Variants in LHX8 observed in about 807,000 individuals in gnomAD.
The protein encoded by LHX8 is LIM/homeobox protein Lhx8.
LHX8 carries 12 observed loss-of-function variants against 40.3 expected under a neutral mutation model. The ratio of observed to expected loss-of-function variants is 0.30; its 90% CI spans 0.19 to 0.48. The LOEUF (loss-of-function observed/expected upper bound fraction) is 0.48, where lower values mean the gene tolerates loss of function less well. LHX8 is among the 20% of genes least tolerant of loss of function. LHX8 has a pLI of 0.99. For synonymous variants in LHX8, 179 were observed against 162.0 expected (o/e 1.10, Z -0.80); for missense variants, 344 against 433.7 (o/e 0.79, Z 1.84).
the LHX8 span, among the ~76,000 whole-genome samples, chr1:75,179,808 G>T: frequency 6.6e-6 from 1 of 152,178 alleles, no homozygotes; most frequent in African/African-American, 2.4e-5. Context: ...AATTTGGCCT[G>T]TTTTTGCAGT....
Position 75,137,274 on chromosome 1 carries a change from C to T in LHX8, c.237+13C>T. ...ATACCTTCTCAAGGTAGGATAGGGC[C>T]TCGGGTGCGAGGCCCAAGGGGAGCG... On this transcript the variant is annotated intron_variant, in intron 3 of 8. Transcript: ENST00000356261. 1 of 1,613,032 alleles carries T rather than the reference C, an allele frequency of 6.2e-7. No homozygotes were observed. Among genetic ancestry groups the T allele is most frequent in the Non-Finnish European group, 8.5e-7 (1 of 1,179,680 alleles).
chr1:75,136,727 C>G, intron 2 of LHX8, 38 bp downstream of exon 2: 1 of 1,454,690 alleles, frequency 6.9e-7, no homozygotes, highest in Non-Finnish European at 9.2e-7. Context: ...CAAGACTGGC[C>G]GTGGGGAGGC....
upstream of LHX8, among the ~76,000 whole-genome samples, chr1:75,133,810 C>T (rs143187420): frequency 2.0e-3 from 305 of 152,306 alleles, no homozygotes; most frequent in African/African-American, 6.9e-3. Flanking sequence ...TAGCAACATA[C>T]TTTTGTCTTT....
chr1:75,136,747 C>A, intron 2 of LHX8, 58 bp downstream of exon 2: 1 of 1,373,266 alleles, frequency 7.3e-7, no homozygotes, highest in Non-Finnish European at 1.0e-6. Context: ...CGGCGCAGGA[C>A]GAAGGGCCGC....
the LHX8 span, among the ~76,000 whole-genome samples, chr1:75,174,748 G>A: frequency 1.3e-5 from 2 of 152,112 alleles, no homozygotes; most frequent in African/African-American, 4.8e-5. Flanking sequence ...GTGCTACAGT[G>A]CATGGTAGCA....
upstream of LHX8, among the ~76,000 whole-genome samples, chr1:75,129,432 G>C (rs1305361970): frequency 6.6e-6 from 1 of 152,192 alleles, no homozygotes; most frequent in Admixed American, 6.5e-5. Flanking sequence ...CAAGATTCTT[G>C]GGCCAACTTT....
rs762726807 is a variant in LHX8, at chr1:75,156,928, A to G, written c.816A>G (p.Lys272=). The change falls in exon 8 of 9, where the codon AAA becomes AAG. Residue 272 remains lysine (K), a synonymous_variant. Transcript: ENST00000356261. ...WFQNCRARHK[K]HVSPNHSSST... ...AGAATTGTAGAGCACGCCACAAGAA[A>G]CACGTCAGTCCTAATCACTCATCCT... The G allele has an allele frequency of 3.1e-6, 5 of 1,614,130 alleles. No individual in the cohort carries two copies. The South Asian group carries it at 3.3e-5, about 11-fold the overall frequency.
chr1:75,160,876 T>C lies in LHX8; in HGVS notation c.1022T>C (p.Leu341Pro). 4 of 1,612,018 alleles carry C rather than the reference T, an allele frequency of 2.5e-6. No individual in the cohort carries two copies. Among genetic ancestry groups the C allele is most frequent in the Non-Finnish European group, 3.4e-6 (4 of 1,178,120 alleles). The change falls in exon 9 of 9, where the codon CTG becomes CCG. Residue 341 changes from leucine (L) to proline (P), a missense_variant. By Grantham distance (98) the Leu-to-Pro change is moderately conservative. Transcript: ENST00000356261. Reference sequence around the variant, plus strand: ...TTGTTACCCCATTCAATGACACAACTGCCAATAAGTCATACCTAATTCTTT... The same window carrying C: ...TTGTTACCCCATTCAATGACACAACCGCCAATAAGTCATACCTAATTCTTT... ...QPLLPHSMTQ[L>P]PISHT
intron 2 of LHX8, 42 bp downstream of exon 2, chr1:75,136,731 G>A (rs1457844798): frequency 6.7e-7 from 1 of 1,491,358 alleles, no homozygotes; most frequent in South Asian, 1.2e-5. Flanking sequence ...ACTGGCCGTG[G>A]GGAGGCGGCG....
At chr1:75,143,972 A>G in intron 6 of LHX8, 24 bp downstream of exon 6, 1 of 1,590,500 alleles carries the variant, frequency 6.3e-7, no homozygotes, top group Non-Finnish European at 8.6e-7. Context: ...TGAATTTTTT[A>G]TTTTTGAAGC....
chr1:75,151,839 A>C (rs1648621775), intron 7 of LHX8, among the ~76,000 whole-genome samples: 1 of 152,242 alleles, frequency 6.6e-6, no homozygotes, highest in Admixed American at 6.5e-5. Flanking sequence ...TGAAGGACTA[A>C]GGAACACAGG....
intron 7 of LHX8, among the ~76,000 whole-genome samples, chr1:75,155,451 G>A (rs1030198948): frequency 2.6e-5 from 4 of 151,976 alleles, no homozygotes; most frequent in South Asian, 2.1e-4. Flanking sequence ...AGCCAGGATG[G>A]TCTCGATCTC....
the LHX8 span, among the ~76,000 whole-genome samples, chr1:75,194,629 G>C: frequency 6.6e-6 from 1 of 152,174 alleles, no homozygotes; most frequent in South Asian, 2.1e-4. Context: ...TGTCTCAAAG[G>C]AAAACAGGAA....
At chr1:75,182,384 T>C in the LHX8 span, among the ~76,000 whole-genome samples, 1 of 149,182 alleles carries the variant, frequency 6.7e-6, no homozygotes, top group South Asian at 2.1e-4. Flanking sequence ...TTTTTTTTTT[T>C]TTTTTTGAGA....
the LHX8 span, among the ~76,000 whole-genome samples, chr1:75,193,882 A>G: frequency 1.3e-5 from 2 of 152,244 alleles, no homozygotes; most frequent in Non-Finnish European, 2.9e-5. Context: ...AACCATGTCT[A>G]TTTCCCTGAA....
Position 75,156,991 on chromosome 1 carries a change from T to A in LHX8, c.879T>A (p.Ser293=). Residue 293 remains serine (S), a synonymous_variant, in exon 8 of 9, where the codon TCT becomes TCA. Coordinates refer to ENST00000356261, the MANE Select transcript of LHX8 (RefSeq NM_001256114.2). ...PVTAVPPSRL[S]PPMLEEMAYS... ...CAGCAGTCCCACCCTCCAGGCTGTCTCCACCCATGTTAGAAGAAATGGCTT... is the reference window on the plus strand; with the variant it reads ...CAGCAGTCCCACCCTCCAGGCTGTCACCACCCATGTTAGAAGAAATGGCTT... The A allele has an allele frequency of 6.2e-7, 1 of 1,614,160 alleles. No individual in the cohort carries two copies. The highest frequency in any genetic ancestry group is 1.3e-5 in the African/African-American group (1 of 75,044).
upstream of LHX8, among the ~76,000 whole-genome samples, chr1:75,133,313 A>C (rs545848445): frequency 2.7e-4 from 39 of 146,212 alleles, no homozygotes; most frequent in Admixed American, 1.9e-3. Flanking sequence ...GGCTCACTTC[A>C]TCACAGGAAA....
rs1474307907 is a variant in LHX8 at position 75,136,652 on chromosome 1, C to T, written c.38C>T (p.Ala13Val). ...EECGRTTALA[A>V]GRTRKGAGEE... ...TGCGGGCGGACTACAGCCCTGGCGG[C>T]CGGGAGGACTCGCAAAGGCGCCGGG... Residue 13 changes from alanine to valine, a missense_variant, in exon 2 of 9, where the codon GCC becomes GTC. Ala to Val is a moderately conservative substitution (Grantham distance 64, BLOSUM62 0). This residue lies in a region of LHX8 where 108 missense variants were observed against 90.1 expected (regional missense o/e 1.20). Coordinates refer to ENST00000356261, the MANE Select transcript of LHX8 (RefSeq NM_001256114.2). The T allele has an allele frequency of 6.5e-7, 1 of 1,548,946 alleles. No individual in the cohort carries two copies. The highest frequency in any genetic ancestry group is 8.7e-7 in the Non-Finnish European group (1 of 1,146,728).
chr1:75,192,359 C>T, the LHX8 span, among the ~76,000 whole-genome samples: 3 of 152,264 alleles, frequency 2.0e-5, no homozygotes, highest in Admixed American at 6.5e-5. Flanking sequence ...CTAAGACTAC[C>T]ATTGATTCTT....
Sources: gnomAD v4.1 joint callset for allele counts (sites outside exome capture counted in the v4.1 genomes callset) on GRCh38, gnomAD v4.1.1 for gene constraint, gnomAD v4.1.1 regional missense constraint, MANE v1.5 for transcripts, NCBI Gene and HGNC (gene_info 2026-07-23, HGNC 2026-07-21) for gene names.